KLF13: variants seen among roughly 807,000 people sequenced by gnomAD.
KLF13 encodes the protein Krueppel-like factor 13.
A neutral mutation model predicts 16.7 loss-of-function variants in KLF13; 8 were observed. The observed-to-expected ratio is 0.48, with a 90% CI of 0.28 to 0.87. KLF13 has a LOEUF of 0.87. Among genes scored for constraint, KLF13 ranks in the 40% least tolerant of loss-of-function variants. The pLI, the probability that KLF13 is intolerant of heterozygous loss-of-function variation, is 0.10. For missense variants in KLF13, 447 were observed against 452.2 expected, an observed-to-expected ratio of 0.99 and a Z score of 0.10; for synonymous variants, 245 against 208.4, an observed-to-expected ratio of 1.18 and a Z score of -1.51.
At chr15:31,429,470 A>G (rs2040442755) in intron 1 of KLF13, among the ~76,000 whole-genome samples, 1 of 152,136 alleles carries the variant, frequency 6.6e-6, no homozygotes, top group Non-Finnish European at 1.5e-5. Context: ...TAGGTACAGA[A>G]TTTGTCTTTG....
At chr15:31,346,360 C>T (rs573925166) in intron 1 of KLF13, among the ~76,000 whole-genome samples, 3 of 152,320 alleles carry the variant, frequency 2.0e-5, no homozygotes, top group African/African-American at 7.2e-5. Flanking sequence ...GCTGTCCTTC[C>T]CCTTCTGGAC....
chr15:31,401,712 G>T lies in KLF13; in HGVS notation n.530-1716G>T, dbSNP rs73383081. On this transcript the variant is annotated intron_variant and non_coding_transcript_variant, in intron 2 of 2. Coordinates refer to the KLF13 transcript ENST00000500533. Reference sequence around the variant, plus strand: ...GGGGAAACTGAGGTTCAGAGATGCGGTACTTGCCCAAGGCCACACTGGTGC... The same window carrying T: ...GGGGAAACTGAGGTTCAGAGATGCGTTACTTGCCCAAGGCCACACTGGTGC... Among the ~76,000 whole-genome samples the T allele has an allele frequency of 2.3e-3, 355 of 152,318 alleles. 3 individuals carry two copies. The highest frequency in any genetic ancestry group is 8.0e-3 in the African/African-American group (331 of 41,560).
chr15:31,367,817 A>AC (rs903796843), intron 1 of KLF13, among the ~76,000 whole-genome samples: 50 of 151,992 alleles, frequency 3.3e-4, no homozygotes, highest in African/African-American at 1.1e-3. Context: ...CACTGTATGG[A>AC]CCCCCCGCAT....
At position 31,420,443 on chromosome 15, in the gene KLF13, A is replaced by T; in HGVS notation, n.118-14927A>T. The T allele has an allele frequency of 3.3e-6, 3 of 904,912 alleles. No individual in the cohort carries two copies. The South Asian group carries it at 3.9e-5, about 12-fold the overall frequency. 56.1% of individuals were successfully genotyped at this position (904,912 alleles called of 1,614,324 possible). On this transcript the variant is annotated intron_variant and non_coding_transcript_variant, in intron 1 of 1. Transcript: ENST00000558225. The stretch of plus-strand genomic sequence containing the variant: ...GTTCCTCACATCCTGCTACCACCCC[A>T]ACATAGACACCCAGGGTAACATATG...
At chr15:31,354,022 C>T (rs935029394) in intron 1 of KLF13, among the ~76,000 whole-genome samples, 2 of 152,192 alleles carry the variant, frequency 1.3e-5, no homozygotes, top group African/African-American at 2.4e-5. Flanking sequence ...TGGGGTCAGA[C>T]GTGGCACTTG....
chr15:31,409,885 C>T (rs2040171062), intron 1 of KLF13, among the ~76,000 whole-genome samples: 1 of 152,118 alleles, frequency 6.6e-6, no homozygotes, highest in East Asian at 1.9e-4. Flanking sequence ...AAAGGAATTT[C>T]TTCTGGCAGA....
At chr15:31,402,805 T>C (rs970349777) in intron 2 of KLF13, among the ~76,000 whole-genome samples, 1 of 152,136 alleles carries the variant, frequency 6.6e-6, no homozygotes, top group African/African-American at 2.4e-5. Flanking sequence ...TAGGCTGTTC[T>C]GGCTCAGCCA....
downstream of KLF13, among the ~76,000 whole-genome samples, chr15:31,378,477 C>T (rs1268505873): frequency 6.6e-6 from 1 of 152,190 alleles, no homozygotes; most frequent in Non-Finnish European, 1.5e-5. Context: ...CCCCAATGAA[C>T]ACTAACTGCC....
At chr15:31,418,570 A>G (rs2040284140) in intron 1 of KLF13, among the ~76,000 whole-genome samples, 1 of 152,212 alleles carries the variant, frequency 6.6e-6, no homozygotes, top group Non-Finnish European at 1.5e-5. Flanking sequence ...ACAAATAATA[A>G]TATGAAAAGT....
upstream of KLF13, among the ~76,000 whole-genome samples, chr15:31,391,715 C>A (rs1023451673): frequency 4.8e-5 from 7 of 144,730 alleles, no homozygotes; most frequent in African/African-American, 1.8e-4. Context: ...TGTAGGGGGG[C>A]TGTGGGGGGC....
chr15:31,434,000 G>A (rs1249421792), intron 1 of KLF13, among the ~76,000 whole-genome samples: 1 of 152,152 alleles, frequency 6.6e-6, no homozygotes, highest in East Asian at 1.9e-4. Context: ...CCAGATGTAG[G>A]AAATCTTTTT....
At chr15:31,367,368 A>C (rs1222501385) in intron 1 of KLF13, among the ~76,000 whole-genome samples, 1 of 152,212 alleles carries the variant, frequency 6.6e-6, no homozygotes, top group African/African-American at 2.4e-5. Flanking sequence ...TGGGCCAGGC[A>C]CCCAGTATGT....
chr15:31,327,118 G>GCC lies in KLF13; in HGVS notation c.-91_-90dup. On this transcript the variant is annotated 5_prime_UTR_variant, in exon 1 of 2. Transcript: ENST00000307145. ...CCAGCCCGAGGAGAGGGCGCGCCGCGCCCCCGCCCCCCGCCCGCTCTCCCG... is the reference window on the plus strand; with the variant it reads ...CCAGCCCGAGGAGAGGGCGCGCCGCGCCCCCCCGCCCCCCGCCCGCTCTCCCG... 5.9e-6 allele frequency: 4 copies of GCC among 675,642 alleles called. No homozygotes were observed. Among genetic ancestry groups the GCC allele is most frequent in the Non-Finnish European group, 7.5e-6 (4 of 535,834 alleles). 41.9% of individuals were successfully genotyped at this position (675,642 alleles called of 1,614,324 possible).
chr15:31,347,274 C>A (rs938543904), intron 1 of KLF13, among the ~76,000 whole-genome samples: 1 of 152,170 alleles, frequency 6.6e-6, no homozygotes, highest in African/African-American at 2.4e-5. Flanking sequence ...CTGAGCCCCA[C>A]TGGGACAGCA....
downstream of KLF13, among the ~76,000 whole-genome samples, chr15:31,378,084 C>T (rs1361486089): frequency 2.0e-5 from 3 of 152,148 alleles, no homozygotes; most frequent in African/African-American, 7.2e-5. Flanking sequence ...GGGTGCTCTT[C>T]TGGCTTCCCC....
intron 1 of KLF13, among the ~76,000 whole-genome samples, chr15:31,430,417 G>A (rs1409137616): frequency 6.6e-6 from 1 of 152,210 alleles, no homozygotes; most frequent in Non-Finnish European, 1.5e-5. Context: ...CTACAGTTCT[G>A]GAGGCTGGTA....
At chr15:31,345,389 C>T (rs954889926) in intron 1 of KLF13, among the ~76,000 whole-genome samples, 2 of 152,210 alleles carry the variant, frequency 1.3e-5, no homozygotes, top group African/African-American at 2.4e-5. Flanking sequence ...CCTGTGCCCC[C>T]GCCTCAGCCT....
Position 31,423,176 on chromosome 15 carries a change from C to CGTATATATATACGT in KLF13, n.118-12194_118-12193insGTATATATATACGT, listed in dbSNP as rs149346729. Among the ~76,000 whole-genome samples, 34 of 17,006 alleles carry CGTATATATATACGT rather than the reference C, an allele frequency of 2.0e-3. 10 individuals are homozygous for CGTATATATATACGT. The highest frequency in any genetic ancestry group is 0.016 in the African/African-American group (32 of 1,952). 11.2% of individuals were successfully genotyped at this position (17,006 alleles called of 152,430 possible). On this transcript the variant is annotated intron_variant and non_coding_transcript_variant, in intron 1 of 1. Transcript: ENST00000558225. ...ATACGTATATATATGTATATATATA[C>CGTATATATATACGT]ATATATACGTATATATATATATCAG...
intron 1 of KLF13, among the ~76,000 whole-genome samples, chr15:31,364,271 C>G (rs1307297874): frequency 6.6e-6 from 1 of 152,226 alleles, no homozygotes; most frequent in Non-Finnish European, 1.5e-5. Context: ...TCTTCGCAAG[C>G]ATTGTAGAAA....
Sources: gnomAD v4.1 joint callset for allele counts (sites outside exome capture counted in the v4.1 genomes callset) on GRCh38, gnomAD v4.1.1 for gene constraint, MANE v1.5 for transcripts, NCBI Gene and HGNC (gene_info 2026-07-23, HGNC 2026-07-21) for gene names.